KDM6A: variants seen among roughly 807,000 people sequenced by gnomAD.
KDM6A encodes lysine demethylase 6A.
A neutral mutation model predicts 117.6 loss-of-function variants in KDM6A; 11 were observed. The ratio of observed to expected loss-of-function variants is 0.09; its 90% CI spans 0.06 to 0.15. The LOEUF (loss-of-function observed/expected upper bound fraction) is 0.15, where lower values mean the gene tolerates loss of function less well. Among genes scored for constraint, KDM6A ranks in the 10% least tolerant of loss-of-function variants. The probability of loss-of-function intolerance (pLI) is 1.00; values close to 1 mark genes in which losing one functional copy is unlikely to be tolerated. For missense variants in KDM6A, 799 were observed against 1,077.3 expected (o/e 0.74, Z 3.62); for synonymous variants, 384 against 396.1 (o/e 0.97, Z 0.36).
chrX:45,066,284 A>G (rs1350439934), intron 17 of KDM6A, among the ~76,000 whole-genome samples: 1 of 111,986 alleles, frequency 8.9e-6, no homozygotes, highest in Non-Finnish European at 1.9e-5. Flanking sequence ...TCCAGCACAC[A>G]TGCTTACAGT....
rs140305616 is a variant in KDM6A, at chrX:45,099,721, C to T, written c.4035-7689C>T. ...TTTTTATCCTGTGGCTTTAATTTTACGACTGGTAGATTAAGATTTAAAAGA... is the reference window on the plus strand; with the variant it reads ...TTTTTATCCTGTGGCTTTAATTTTATGACTGGTAGATTAAGATTTAAAAGA... On this transcript the variant is annotated intron_variant, in intron 27 of 29. Transcript: ENST00000611820. 8.6e-3 allele frequency among the ~76,000 whole-genome samples: 960 copies of T among 111,771 alleles called. 11 individuals are homozygous for T. Among genetic ancestry groups the T allele is most frequent in the African/African-American group, 0.03 (922 of 30,802 alleles).
rs2044352866 is a variant in KDM6A at position 45,062,682 on chromosome X, A to C, written c.1617A>C (p.Leu539Phe). The C allele has an allele frequency of 1.7e-6, 2 of 1,207,819 alleles. No individual in the cohort carries two copies. The highest frequency in any genetic ancestry group is 2.2e-6 in the Non-Finnish European group (2 of 892,974). The change falls in exon 16 of 30, where the codon TTA becomes TTC. Residue 539 changes from leucine (L) to phenylalanine (F), a missense_variant. By Grantham distance (22) the Leu-to-Phe change is conservative (BLOSUM62 0). Transcript: ENST00000611820. ...LEQLRANRNN[L>F]NPAQKLMLEQ... ...AGCTCCGCGCAAATAGAAATAATTT[A>C]AATCCAGCACAGAAACTGATGCTGG...
At chrX:45,016,306 G>T (rs184422410) in intron 5 of KDM6A, among the ~76,000 whole-genome samples, 5 of 111,333 alleles carry the variant, frequency 4.5e-5, no homozygotes, top group Non-Finnish European at 1.9e-5. Flanking sequence ...GTGTATGTAT[G>T]TGTTATAACT....
chrX:45,005,935 C>G (rs1456275056), intron 4 of KDM6A, among the ~76,000 whole-genome samples: 1 of 98,000 alleles, frequency 1.0e-5, no homozygotes, highest in Non-Finnish European at 2.1e-5. Context: ...CCACCCCAAC[C>G]AAGGAGTACT....
At chrX:45,105,925 G>A (rs1349195724) in intron 27 of KDM6A, among the ~76,000 whole-genome samples, 4 of 112,079 alleles carry the variant, frequency 3.6e-5, no homozygotes, top group Admixed American at 9.4e-5. Flanking sequence ...AACTGCACAT[G>A]CAAGGCATCT....
At chrX:44,941,065 T>G (rs1164369949) in intron 2 of KDM6A, among the ~76,000 whole-genome samples, 2 of 111,459 alleles carry the variant, frequency 1.8e-5, no homozygotes, top group Non-Finnish European at 3.8e-5. Context: ...CAACATGTAC[T>G]CAAGGGTTGA....
intron 27 of KDM6A, among the ~76,000 whole-genome samples, chrX:45,097,296 C>A (rs1401973957): frequency 9.0e-6 from 1 of 110,655 alleles, no homozygotes; most frequent in African/African-American, 3.3e-5. Flanking sequence ...GTACAACAAA[C>A]CCCCATGACA....
intron 2 of KDM6A, among the ~76,000 whole-genome samples, chrX:44,932,792 AC>A (rs1188418931): frequency 2.7e-5 from 3 of 111,365 alleles, no homozygotes; most frequent in African/African-American, 9.8e-5. Flanking sequence ...GTTCTATGAG[AC>A]TTATCGTGAA....
chrX:44,955,096 C>T (rs1244083980), intron 2 of KDM6A, among the ~76,000 whole-genome samples: 3 of 111,413 alleles, frequency 2.7e-5, no homozygotes, highest in East Asian at 5.6e-4. Context: ...TTGGGATGTC[C>T]AAGTGGAAAA....
At position 45,020,658 on chromosome X, in the gene KDM6A, T is replaced by C. The variant is rs1396398087; in HGVS notation, c.492T>C (p.Cys164=). The C allele has an allele frequency of 8.3e-7, 1 of 1,209,528 alleles. No homozygotes were observed. Among genetic ancestry groups the C allele is most frequent in the Admixed American group, 2.2e-5 (1 of 46,007 alleles). ...QEVLYVDPSF[C]RAKEIHLRLG... is the part of the protein sequence containing the mutation. Reference sequence around the variant, plus strand: ...TGCTTTATGTTGATCCCAGCTTTTGTCGAGCCAAGGAAATTCATTTACGAC... The same window carrying C: ...TGCTTTATGTTGATCCCAGCTTTTGCCGAGCCAAGGAAATTCATTTACGAC... The change falls in exon 6 of 30, where the codon TGT becomes TGC. Residue 164 remains cysteine, a synonymous_variant. Coordinates refer to ENST00000611820, the MANE Select transcript of KDM6A (RefSeq NM_001291415.2).
At chrX:45,023,373 G>T (rs746158758) in intron 6 of KDM6A, among the ~76,000 whole-genome samples, 1 of 110,849 alleles carries the variant, frequency 9.0e-6, no homozygotes, top group East Asian at 2.8e-4. Context: ...CTCCCAATAT[G>T]AAATGAATTG....
At chrX:45,007,238 A>T (rs150443653) in intron 4 of KDM6A, among the ~76,000 whole-genome samples, 1 of 112,096 alleles carries the variant, frequency 8.9e-6, no homozygotes, top group African/African-American at 3.2e-5. Flanking sequence ...AAGCCTCACC[A>T]TGGCAGTGCC....
rs1311589040 is a variant in KDM6A at position 44,952,374 on chromosome X, C to T, written c.226-8910C>T. Reference sequence around the variant, plus strand: ...GGAACCTCCGCTTCCTAGGTTCGAGCGATTCTCCTGCCTCAGCCTCCTGAG... The same window carrying T: ...GGAACCTCCGCTTCCTAGGTTCGAGTGATTCTCCTGCCTCAGCCTCCTGAG... On this transcript the variant is annotated intron_variant, in intron 2 of 29. Coordinates refer to ENST00000611820, the MANE Select transcript of KDM6A (RefSeq NM_001291415.2). Among the ~76,000 whole-genome samples the T allele has an allele frequency of 4.7e-5, 5 of 107,047 alleles. No homozygotes were observed. The Admixed American group carries it at 5.1e-4, about 11-fold the overall frequency. The allele number at this position is 107,047 out of a possible 115,157, so 93.0% of individuals were successfully genotyped here.
chrX:44,963,432 G>T (rs773289505), intron 3 of KDM6A, among the ~76,000 whole-genome samples: 1 of 84,661 alleles, frequency 1.2e-5, no homozygotes, highest in African/African-American at 5.7e-5. Context: ...CTCCAGCCAG[G>T]GTGACAGAGT....
chrX:44,938,146 G>C (rs967439752), intron 2 of KDM6A, among the ~76,000 whole-genome samples: 2 of 111,394 alleles, frequency 1.8e-5, no homozygotes, highest in Non-Finnish European at 3.8e-5. Context: ...TTTTCGTAGA[G>C]ATGGGGTCTT....
intron 2 of KDM6A, among the ~76,000 whole-genome samples, chrX:44,937,026 A>G (rs1053687850): frequency 8.1e-5 from 9 of 111,612 alleles, no homozygotes; most frequent in African/African-American, 2.9e-4. Flanking sequence ...AGGATACACC[A>G]TGATTACTAT....
At chrX:44,939,087 G>GC (rs1404806800) in intron 2 of KDM6A, among the ~76,000 whole-genome samples, 1 of 112,450 alleles carries the variant, frequency 8.9e-6, no homozygotes, top group African/African-American at 3.2e-5. Flanking sequence ...CCATTGTGCA[G>GC]CCCATAGATC....
intron 4 of KDM6A, among the ~76,000 whole-genome samples, chrX:44,989,199 C>T (rs766622541): frequency 4.0e-5 from 4 of 100,658 alleles, no homozygotes; most frequent in East Asian, 6.2e-4. Flanking sequence ...TAGGACCCTC[C>T]GAGCCAGACA....
At chrX:45,026,511 A>G (rs2042369482) in intron 6 of KDM6A, among the ~76,000 whole-genome samples, 1 of 111,160 alleles carries the variant, frequency 9.0e-6, no homozygotes, top group Non-Finnish European at 1.9e-5. Context: ...TGTAGAATGC[A>G]CAGATCATTT....
Sources: gnomAD v4.1 joint callset for allele counts (sites outside exome capture counted in the v4.1 genomes callset) on GRCh38, gnomAD v4.1.1 for gene constraint, MANE v1.5 for transcripts, NCBI Gene and HGNC (gene_info 2026-07-23, HGNC 2026-07-21) for gene names.